The following SGK3 variants were observed in gnomAD, a reference collection of about 807,000 sequenced individuals.
SGK3 encodes the protein serum/glucocorticoid regulated kinase family member 3, also known as serine/threonine-protein kinase Sgk3.
SGK3 carries 47 observed loss-of-function variants against 68.5 expected under a neutral mutation model. The ratio of observed to expected loss-of-function variants is 0.69; its 90% CI spans 0.54 to 0.87. The LOEUF (loss-of-function observed/expected upper bound fraction) is 0.87, where lower values mean the gene tolerates loss of function less well. Ranked by LOEUF, SGK3 falls within the 40% of genes least tolerant of loss-of-function variation. The pLI is 0.00. For synonymous variants in SGK3, 181 were observed against 189.1 expected (o/e 0.96, Z 0.35); for missense variants, 479 against 575.5 (o/e 0.83, Z 1.72).
At chr8:66,727,616 G>A (rs1805021948) in intron 1 of SGK3, among the ~76,000 whole-genome samples, 1 of 152,194 alleles carries the variant, frequency 6.6e-6, no homozygotes, top group African/African-American at 2.4e-5. Context: ...TGTCATGAAA[G>A]TGGGAGTGGT....
chr8:66,787,922 C>G (rs1401859151), intron 1 of SGK3, among the ~76,000 whole-genome samples: 1 of 152,228 alleles, frequency 6.6e-6, no homozygotes, highest in Non-Finnish European at 1.5e-5. Flanking sequence ...CTCCTCCTTA[C>G]AGGTAAACCA....
intron 1 of SGK3, among the ~76,000 whole-genome samples, chr8:66,730,613 A>G (rs1805121854): frequency 6.6e-6 from 1 of 152,060 alleles, no homozygotes; most frequent in South Asian, 2.1e-4. Context: ...TTTTGAGTTA[A>G]TTTTTGTTTA....
chr8:66,759,340 C>G (rs1044474868), intron 1 of SGK3, among the ~76,000 whole-genome samples: 1 of 152,080 alleles, frequency 6.6e-6, no homozygotes, highest in African/African-American at 2.4e-5. Flanking sequence ...CCACCTCGCC[C>G]TCCCAAAGTG....
At chr8:66,730,379 A>G (rs187277516) in intron 1 of SGK3, among the ~76,000 whole-genome samples, 38 of 151,928 alleles carry the variant, frequency 2.5e-4, no homozygotes, top group African/African-American at 2.4e-5. Flanking sequence ...TAATTTACAA[A>G]TTTTTTTTAT....
At chr8:66,813,409 T>C (rs1808458170) in intron 4 of SGK3, among the ~76,000 whole-genome samples, 1 of 152,156 alleles carries the variant, frequency 6.6e-6, no homozygotes, top group Admixed American at 6.5e-5. Flanking sequence ...AATTAATCAT[T>C]ATTGCCCAGT....
Position 66,862,007 on chromosome 8 carries a change from T to A in SGK3, c.*2426T>A, listed in dbSNP as rs1360002204. The stretch of plus-strand genomic sequence containing the variant: ...TACAAATCTATATAGTATAATAAAA[T>A]CAGCAAAAAGATCAACTAATGTCTG... On this transcript the variant is annotated 3_prime_UTR_variant, in exon 17 of 17. Transcript: ENST00000521198. 6.6e-6 allele frequency: 1 copy of A among 152,108 alleles called. No homozygotes were observed. The highest frequency in any genetic ancestry group is 1.5e-5 in the Non-Finnish European group (1 of 68,004). The allele number at this position is 152,108 out of a possible 1,614,324, so 9.4% of individuals were successfully genotyped here.
chr8:66,833,811 C>T (rs546221245), intron 8 of SGK3, among the ~76,000 whole-genome samples: 1 of 152,356 alleles, frequency 6.6e-6, no homozygotes, highest in South Asian at 2.1e-4. Context: ...ACTGCCTCAG[C>T]CTCCCCAGTA....
chr8:66,810,838 CTA>C (rs1808354530), intron 4 of SGK3, among the ~76,000 whole-genome samples: 1 of 152,056 alleles, frequency 6.6e-6, no homozygotes, highest in Admixed American at 6.6e-5. Context: ...CAGTTTAAGC[CTA>C]TGTCTTCTTT....
intron 1 of SGK3, among the ~76,000 whole-genome samples, chr8:66,714,351 T>C (rs1804573901): frequency 6.6e-6 from 1 of 152,208 alleles, no homozygotes; most frequent in Non-Finnish European, 1.5e-5. Context: ...AGAGAATATT[T>C]TTTCAGAATA....
intron 10 of SGK3, among the ~76,000 whole-genome samples, chr8:66,839,330 C>T (rs73693618): frequency 0.021 from 3,079 of 150,010 alleles, 112 homozygotes; most frequent in African/African-American, 0.07. Context: ...TAGCTGCAGC[C>T]GGTTGCTGCT....
intron 1 of SGK3, among the ~76,000 whole-genome samples, chr8:66,790,398 G>A (rs1807394838): frequency 6.6e-6 from 1 of 152,192 alleles, no homozygotes; most frequent in African/African-American, 2.4e-5. Context: ...ACAGGCAGCT[G>A]CTTTCAGCAA....
intron 16 of SGK3, among the ~76,000 whole-genome samples, chr8:66,852,791 G>A (rs1810348758): frequency 2.0e-5 from 3 of 152,072 alleles, no homozygotes; most frequent in Non-Finnish European, 4.4e-5. Flanking sequence ...GAATAATTTC[G>A]GTCCCAAATT....
chr8:66,828,962 TGG>T (rs893096517), intron 7 of SGK3, among the ~76,000 whole-genome samples: 616 of 51,112 alleles, frequency 0.012, 3 homozygotes, highest in African/African-American at 0.026. Context: ...GGTGGGTGGG[TGG>T]GGGGTGTGTG....
intron 1 of SGK3, among the ~76,000 whole-genome samples, chr8:66,792,792 T>C (rs757311556): frequency 1.3e-5 from 2 of 152,160 alleles, no homozygotes; most frequent in Non-Finnish European, 2.9e-5. Flanking sequence ...CTTGGAAGGC[T>C]CAAGCAGGAA....
Position 66,804,250 on chromosome 8 carries a change from C to G in SGK3, c.181-125C>G, listed in dbSNP as rs528250701. 1.7e-5 allele frequency: 14 copies of G among 801,390 alleles called. No individual in the cohort carries two copies. The East Asian group carries it at 3.8e-4, about 22-fold the overall frequency. 49.6% of individuals were successfully genotyped at this position (801,390 alleles called of 1,614,324 possible). A position where few individuals can be genotyped will look rare whatever the true frequency, so the allele number is the denominator to read the frequency against. Reference sequence around the variant, plus strand: ...TAATTTATGTTATACTTTGGATGATCATAAATTCAAAAGTATGTCTTATGA... The same window carrying G: ...TAATTTATGTTATACTTTGGATGATGATAAATTCAAAAGTATGTCTTATGA... On this transcript the variant is annotated intron_variant, in intron 3 of 16. Coordinates refer to ENST00000521198, the MANE Select transcript of SGK3 (RefSeq NM_001033578.3).
At chr8:66,832,886 A>C (rs1481663749) in intron 8 of SGK3, among the ~76,000 whole-genome samples, 2 of 151,568 alleles carry the variant, frequency 1.3e-5, no homozygotes, top group Non-Finnish European at 2.9e-5. Context: ...ACAGTTTATG[A>C]AAACTGGTTT....
intron 4 of SGK3, among the ~76,000 whole-genome samples, chr8:66,806,706 G>T (rs547732963): frequency 6.6e-6 from 1 of 151,866 alleles, no homozygotes; most frequent in East Asian, 1.9e-4. Context: ...CCAGCTACTC[G>T]GGAGGCTGGA....
intron 5 of SGK3, among the ~76,000 whole-genome samples, chr8:66,818,762 G>A (rs1179558776): frequency 6.6e-6 from 1 of 152,196 alleles, no homozygotes; most frequent in African/African-American, 2.4e-5. Flanking sequence ...TTCCATTGCT[G>A]TATAATGTTC....
intron 16 of SGK3, among the ~76,000 whole-genome samples, chr8:66,854,602 AT>A (rs1444706287): frequency 6.6e-6 from 1 of 152,114 alleles, no homozygotes; most frequent in Non-Finnish European, 1.5e-5. Flanking sequence ...ACTCTTATTA[AT>A]GGTTGTTAAA....
Sources: gnomAD v4.1 joint callset for allele counts (sites outside exome capture counted in the v4.1 genomes callset) on GRCh38, gnomAD v4.1.1 for gene constraint, MANE v1.5 for transcripts, NCBI Gene and HGNC (gene_info 2026-07-23, HGNC 2026-07-21) for gene names.